Variants in LRP1B observed in about 807,000 individuals in gnomAD.
The protein encoded by LRP1B is LDL receptor related protein 1B.
LRP1B carries 217 observed loss-of-function variants against 556.6 expected under a neutral mutation model. That is an observed-to-expected ratio of 0.39 (90% CI 0.35 to 0.44). The LOEUF (loss-of-function observed/expected upper bound fraction) is 0.44, where lower values mean the gene tolerates loss of function less well. LRP1B is among the 20% of genes least tolerant of loss of function. LRP1B has a pLI of 1.00. For missense variants in LRP1B, 5,053 were observed against 5,620.8 expected (o/e 0.90, Z 3.23); for synonymous variants, 2,047 against 1,865.8 (o/e 1.10, Z -2.50).
intron 2 of LRP1B, among the ~76,000 whole-genome samples, chr2:141,743,938 T>G (rs1693815626): frequency 9.6e-6 from 1 of 103,860 alleles, no homozygotes; most frequent in Admixed American, 1.1e-4. Context: ...TGTTTATTTT[T>G]CCAATAAACC....
At position 140,797,436 on chromosome 2, in the gene LRP1B, TTTA is replaced by T. The variant is rs547179951; in HGVS notation, c.5359+16218_5359+16220del. Among the ~76,000 whole-genome samples the T allele has an allele frequency of 2.0e-3, 301 of 152,182 alleles. 1 individual carries two copies. Among genetic ancestry groups the T allele is most frequent in the Admixed American group, 2.6e-3 (39 of 15,286 alleles). On this transcript the variant is annotated intron_variant, in intron 32 of 90. Coordinates refer to ENST00000389484, the MANE Select transcript of LRP1B (RefSeq NM_018557.3). ...TTTTATTTATATGACTAGTTTATAGTTTATTATTTCTATAAACATTAACTATAA... is the reference window on the plus strand; with the variant it reads ...TTTTATTTATATGACTAGTTTATAGTTTATTTCTATAAACATTAACTATAA...
At chr2:140,751,141 T>C (rs1182656292) in intron 35 of LRP1B, among the ~76,000 whole-genome samples, 1 of 151,916 alleles carries the variant, frequency 6.6e-6, no homozygotes, top group Admixed American at 6.6e-5. Context: ...TACAGGCGCC[T>C]GCCATCATGC....
At chr2:142,016,934 A>G (rs12622234) in intron 1 of LRP1B, among the ~76,000 whole-genome samples, 12 of 150,800 alleles carry the variant, frequency 8.0e-5, no homozygotes, top group African/African-American at 2.7e-4. Flanking sequence ...GTATGTATAT[A>G]TGTATATATG....
At chr2:140,524,428 T>C (rs1428706766) in intron 49 of LRP1B, among the ~76,000 whole-genome samples, 2 of 151,806 alleles carry the variant, frequency 1.3e-5, no homozygotes, top group African/African-American at 4.8e-5. Context: ...TCTCAAAAAC[T>C]AAAAGTAGAA....
intron 41 of LRP1B, among the ~76,000 whole-genome samples, chr2:140,679,299 A>G (rs1418303642): frequency 6.6e-6 from 1 of 152,208 alleles, no homozygotes; most frequent in African/African-American, 2.4e-5. Flanking sequence ...GAACTTCAAT[A>G]TATCAATTTA....
At chr2:140,874,032 G>A (rs1477776349) in intron 25 of LRP1B, among the ~76,000 whole-genome samples, 3 of 151,858 alleles carry the variant, frequency 2.0e-5, no homozygotes, top group Non-Finnish European at 1.5e-5. Flanking sequence ...ATGACTGGTT[G>A]TTTAAGAAAC....
intron 1 of LRP1B, among the ~76,000 whole-genome samples, chr2:141,898,537 G>T (rs1388493377): frequency 6.6e-6 from 1 of 152,026 alleles, no homozygotes; most frequent in Non-Finnish European, 1.5e-5. Context: ...ATTATACCAG[G>T]AATAAGAAAA....
chr2:141,145,162 T>C (rs1322342383), intron 7 of LRP1B, among the ~76,000 whole-genome samples: 2 of 152,226 alleles, frequency 1.3e-5, no homozygotes, highest in Non-Finnish European at 1.5e-5. Context: ...AACTAATGAA[T>C]GTTAATAATG....
chr2:142,113,846 T>C (rs1707092310), intron 1 of LRP1B, among the ~76,000 whole-genome samples: 1 of 152,068 alleles, frequency 6.6e-6, no homozygotes, highest in Non-Finnish European at 1.5e-5. Flanking sequence ...CAACCAGAAA[T>C]GGTAACTAAG....
intron 11 of LRP1B, among the ~76,000 whole-genome samples, chr2:141,022,526 C>T (rs1461511309): frequency 6.6e-6 from 1 of 151,928 alleles, no homozygotes; most frequent in Admixed American, 6.6e-5. Context: ...TTTAAATTAA[C>T]TTATAAATTA....
At chr2:140,335,251 G>A (rs940386886) in intron 78 of LRP1B, among the ~76,000 whole-genome samples, 2 of 151,566 alleles carry the variant, frequency 1.3e-5, no homozygotes, top group Non-Finnish European at 2.9e-5. Flanking sequence ...AGAGAAAAAT[G>A]TTAGTACTCT....
At chr2:141,238,350 A>T (rs932127672) in intron 5 of LRP1B, among the ~76,000 whole-genome samples, 2 of 152,194 alleles carry the variant, frequency 1.3e-5, no homozygotes, top group Non-Finnish European at 2.9e-5. Context: ...GTATTGACTC[A>T]TTTGAAAATT....
chr2:142,020,630 C>G (rs2105175283), intron 1 of LRP1B, among the ~76,000 whole-genome samples: 1 of 152,140 alleles, frequency 6.6e-6, no homozygotes, highest in Non-Finnish European at 1.5e-5. Context: ...GTACTTCTAA[C>G]CACAGAGAAT....
chr2:140,304,261 G>A (rs1164872061), intron 83 of LRP1B, among the ~76,000 whole-genome samples: 2 of 151,794 alleles, frequency 1.3e-5, no homozygotes, highest in African/African-American at 4.8e-5. Flanking sequence ...GTTGTTGATG[G>A]GACTGTAAAC....
chr2:140,823,669 AAACAACTTTGATTCTATATTAAAT>A (rs1161294959), intron 31 of LRP1B, among the ~76,000 whole-genome samples: 1 of 151,886 alleles, frequency 6.6e-6, no homozygotes, highest in Admixed American at 6.6e-5. Flanking sequence ...TTTCCTTATG[AAACAACTTTGATTCTATATTAAAT>A]ATAGTTTATA....
At chr2:140,434,030 T>C (rs749097259) in intron 66 of LRP1B, among the ~76,000 whole-genome samples, 2 of 152,024 alleles carry the variant, frequency 1.3e-5, no homozygotes, top group Admixed American at 1.3e-4. Flanking sequence ...TCTATGGCCC[T>C]TGAATAGTAA....
intron 65 of LRP1B, among the ~76,000 whole-genome samples, chr2:140,444,099 A>C (rs1458568051): frequency 6.6e-6 from 1 of 152,174 alleles, no homozygotes; most frequent in African/African-American, 2.4e-5. Flanking sequence ...AATGTTGTTC[A>C]TGTTTGTCAT....
intron 2 of LRP1B, among the ~76,000 whole-genome samples, chr2:141,578,554 G>C (rs1451627487): frequency 6.6e-6 from 1 of 152,038 alleles, no homozygotes; most frequent in Non-Finnish European, 1.5e-5. Context: ...CTAGTCATTG[G>C]TATTTAGTAG....
chr2:141,347,000 A>G (rs1156505889), intron 3 of LRP1B, among the ~76,000 whole-genome samples: 1 of 152,128 alleles, frequency 6.6e-6, no homozygotes, highest in Non-Finnish European at 1.5e-5. Flanking sequence ...ACCGGAATAA[A>G]AATTTTCACA....
Sources: gnomAD v4.1 joint callset for allele counts (sites outside exome capture counted in the v4.1 genomes callset) on GRCh38, gnomAD v4.1.1 for gene constraint, MANE v1.5 for transcripts, NCBI Gene and HGNC (gene_info 2026-07-23, HGNC 2026-07-21) for gene names.